Variants in TSPEAR observed in about 807,000 individuals in gnomAD.
TSPEAR encodes the protein thrombospondin-type laminin G domain and EAR repeat-containing protein.
TSPEAR carries 69 observed loss-of-function variants against 71.6 expected under a neutral mutation model. The ratio of observed to expected loss-of-function variants is 0.96; its 90% CI spans 0.79 to 1.18. TSPEAR has a LOEUF of 1.18. TSPEAR is among the 50% of genes most tolerant of loss of function. The probability of loss-of-function intolerance (pLI) is 0.00; values close to 1 mark genes in which losing one functional copy is unlikely to be tolerated. For synonymous variants in TSPEAR, 402 were observed against 387.2 expected (o/e 1.04, Z -0.45); for missense variants, 971 against 894.9 (o/e 1.09, Z -1.09).
intron 2 of TSPEAR, among the ~76,000 whole-genome samples, chr21:44,536,201 C>G (rs1393220009): frequency 6.6e-6 from 1 of 152,216 alleles, no homozygotes; most frequent in Non-Finnish European, 1.5e-5. Flanking sequence ...CCTTTCCGGG[C>G]GGTGCTGGGC....
chr21:44,559,875 C>G (rs936163217), intron 2 of TSPEAR, among the ~76,000 whole-genome samples: 1 of 152,142 alleles, frequency 6.6e-6, no homozygotes, highest in Non-Finnish European at 1.5e-5. Context: ...CAAAATTAGG[C>G]CAGGGGTCCA....
intron 9 of TSPEAR, among the ~76,000 whole-genome samples, chr21:44,521,348 G>A (rs996596917): frequency 1.3e-5 from 2 of 152,212 alleles, no homozygotes; most frequent in African/African-American, 2.4e-5. Context: ...GGCCTAATAA[G>A]CACCTGTTGC....
At chr21:44,587,235 T>C (rs1979399601) in intron 1 of TSPEAR, among the ~76,000 whole-genome samples, 1 of 152,152 alleles carries the variant, frequency 6.6e-6, no homozygotes, top group South Asian at 2.1e-4. Flanking sequence ...AGCTCTCCTA[T>C]ACACCAACAG....
chr21:44,697,653 G>A lies in TSPEAR; in HGVS notation c.82+13780C>T, dbSNP rs782347473. 11 of 1,613,530 alleles carry A rather than the reference G, an allele frequency of 6.8e-6. No homozygotes were observed. The African/African-American group carries it at 1.3e-4, about 20-fold the overall frequency. On this transcript the variant is annotated intron_variant, in intron 1 of 11. Coordinates refer to ENST00000323084, the MANE Select transcript of TSPEAR (RefSeq NM_144991.3). ...ATCTCCTCCCCGTGTCAACAGTCCT[G>A]CTGTGTGCCCGTCTGCTGCAAGCCC...
In TSPEAR at chr21:44,622,861, G is replaced by A. The variant is rs188977081; in HGVS notation, c.83-54856C>T. On this transcript the variant is annotated intron_variant, in intron 1 of 11. Coordinates refer to ENST00000323084, the MANE Select transcript of TSPEAR (RefSeq NM_144991.3). ...TCCACTGTTGGAGGTGGGGCCTTGGGGGAGCTATTTGACTCATGGGAGCGG... is the reference window on the plus strand; with the variant it reads ...TCCACTGTTGGAGGTGGGGCCTTGGAGGAGCTATTTGACTCATGGGAGCGG... Among the ~76,000 whole-genome samples, 26 of 152,232 alleles carry A rather than the reference G, an allele frequency of 1.7e-4. No homozygotes were observed. The East Asian group carries it at 4.4e-3, about 26-fold the overall frequency.
At chr21:44,613,405 G>C (rs1981854773) in intron 1 of TSPEAR, among the ~76,000 whole-genome samples, 1 of 152,190 alleles carries the variant, frequency 6.6e-6, no homozygotes, top group Non-Finnish European at 1.5e-5. Flanking sequence ...CTGTGACCGG[G>C]TCTTCCTGAG....
At chr21:44,610,282 C>A (rs1555930562) in intron 1 of TSPEAR, among the ~76,000 whole-genome samples, 1 of 152,196 alleles carries the variant, frequency 6.6e-6, no homozygotes, top group Non-Finnish European at 1.5e-5. Flanking sequence ...TTCATGGCAG[C>A]CCCTCCCATC....
At chr21:44,576,531 G>A (rs1555924023) in intron 1 of TSPEAR, among the ~76,000 whole-genome samples, 2 of 150,378 alleles carry the variant, frequency 1.3e-5, no homozygotes, top group African/African-American at 4.8e-5. Context: ...AAACCTCATG[G>A]GTGAACATGC....
In TSPEAR at chr21:44,520,623, G is replaced by C. The variant is rs189074423; in HGVS notation, c.1566+1260C>G. 2.0e-5 allele frequency: 3 copies of C among 152,222 alleles called. No homozygotes were observed. The highest frequency in any genetic ancestry group is 4.4e-5 in the Non-Finnish European group (3 of 68,058). The allele number at this position is 152,222 out of a possible 1,614,324, so 9.4% of individuals were successfully genotyped here. The stretch of plus-strand genomic sequence containing the variant: ...GGCTTCTCAAGGTGGTCACACTCCC[G>C]GTTTCCTAAGCTGCTCTTACTCCTG... On this transcript the variant is annotated intron_variant, in intron 9 of 11. Coordinates refer to ENST00000323084, the MANE Select transcript of TSPEAR (RefSeq NM_144991.3). This position sits in a 1 kb window ranked among gnomAD's most constrained non-coding sequence, Gnocchi z 4.2.
chr21:44,556,115 C>T (rs773863567), intron 2 of TSPEAR, among the ~76,000 whole-genome samples: 3 of 152,196 alleles, frequency 2.0e-5, no homozygotes, highest in Non-Finnish European at 4.4e-5. Context: ...CGGTGGCTCA[C>T]GCTTGTAATC....
Position 44,521,954 on chromosome 21 carries a change from T to C in TSPEAR, c.1495A>G (p.Thr499Ala). Residue 499 changes from threonine to alanine, a missense_variant, in exon 9 of 12, where the codon ACC (threonine) becomes GCC (alanine). Transcript: ENST00000323084. ...AGGTGCGAGTGCACCTTGGTGGAGGTGCCGTTGAAGGTGTTGGCCACCACC... is the reference window on the plus strand; with the variant it reads ...AGGTGCGAGTGCACCTTGGTGGAGGCGCCGTTGAAGGTGTTGGCCACCACC... ...FLVVANTFNG[T>A]STKVHSHLYI... 6.2e-7 allele frequency: 1 copy of C among 1,613,506 alleles called. No individual in the cohort carries two copies.
At chr21:44,553,557 G>A (rs2053480700) in intron 2 of TSPEAR, among the ~76,000 whole-genome samples, 2 of 152,078 alleles carry the variant, frequency 1.3e-5, no homozygotes, top group South Asian at 4.2e-4. Context: ...CAAACAGAGT[G>A]TATATTTAGC....
At chr21:44,547,996 C>A (rs1217371767) in intron 2 of TSPEAR, among the ~76,000 whole-genome samples, 1 of 152,226 alleles carries the variant, frequency 6.6e-6, no homozygotes, top group Non-Finnish European at 1.5e-5. Flanking sequence ...TGTCATCTTC[C>A]AGCTTTTCCT....
intron 1 of TSPEAR, chr21:44,627,437 A>G (rs62220927): frequency 0.069 from 111,117 of 1,610,442 alleles, 7,927 homozygotes; most frequent in African/African-American, 0.36. Context: ...CAGCCGGCTT[A>G]CTGCACCTCC....
chr21:44,554,336 T>A (rs1432019327), intron 2 of TSPEAR, among the ~76,000 whole-genome samples: 2 of 152,162 alleles, frequency 1.3e-5, no homozygotes, highest in African/African-American at 4.8e-5. Flanking sequence ...CTTCCAGAAC[T>A]GGGAGAAAGA....
intron 5 of TSPEAR, 62 bp from the exon 6 acceptor site, chr21:44,528,645 C>T: frequency 6.3e-7 from 1 of 1,587,970 alleles, no homozygotes; most frequent in East Asian, 2.3e-5. Flanking sequence ...GAAGACGACA[C>T]AGGAAGAGGC....
At chr21:44,572,834 GACACACACACACAC>G (rs71199612) in intron 1 of TSPEAR, among the ~76,000 whole-genome samples, 221 of 124,890 alleles carry the variant, frequency 1.8e-3, no homozygotes, top group South Asian at 4.6e-3. Context: ...GGGAGATTTG[GACACACACACACAC>G]ACACACACAC....
At chr21:44,574,540 G>T (rs782107778) in intron 1 of TSPEAR, 33 of 1,609,356 alleles carry the variant, frequency 2.1e-5, no homozygotes, top group African/African-American at 2.8e-5. Flanking sequence ...CCGGCTTGCT[G>T]CACCTCCTCT....
rs587711459 is a variant in TSPEAR at position 44,529,418 on chromosome 21, G to A, written c.790+380C>T. On this transcript the variant is annotated intron_variant, in intron 5 of 11. Transcript: ENST00000323084. The stretch of plus-strand genomic sequence containing the variant: ...GTCTGGATGATGGTGGGACAGAGGC[G>A]GGGTGGGGAGAAATGGCCCAAACGC... Among the ~76,000 whole-genome samples the A allele has an allele frequency of 1.4e-4, 21 of 152,330 alleles. 1 individual carries two copies. Among genetic ancestry groups the A allele is most frequent in the East Asian group, 7.7e-4 (4 of 5,174 alleles).
Sources: gnomAD v4.1 joint callset for allele counts (sites outside exome capture counted in the v4.1 genomes callset) on GRCh38, gnomAD v4.1.1 for gene constraint, Gnocchi (gnomAD v3.1) non-coding constraint, MANE v1.5 for transcripts, NCBI Gene and HGNC (gene_info 2026-07-23, HGNC 2026-07-21) for gene names.